Variants in CSMD1 observed in about 807,000 individuals in gnomAD.
CSMD1 encodes CUB and sushi domain-containing protein 1.
Under a neutral mutation model 417.5 loss-of-function variants are expected in CSMD1, and 213 were observed. The ratio of observed to expected loss-of-function variants is 0.51; its 90% confidence interval spans 0.46 to 0.57. The LOEUF (loss-of-function observed/expected upper bound fraction) is 0.57, where lower values mean the gene tolerates loss of function less well. Ranked by LOEUF, CSMD1 falls within the 20% of genes least tolerant of loss-of-function variation. The pLI is 0.00. For missense variants in CSMD1, 6,923 were observed against 4,529.7 expected (o/e 1.53, Z -15.17); for synonymous variants, 2,862 against 1,736.8 (o/e 1.65, Z -16.11).
At chr8:3,839,785 C>A (rs1802997336) in intron 5 of CSMD1, among the ~76,000 whole-genome samples, 1 of 151,336 alleles carries the variant, frequency 6.6e-6, no homozygotes, top group Non-Finnish European at 1.5e-5. Flanking sequence ...ATATTTGTTC[C>A]CAGAGAAGCT....
At chr8:4,444,346 CAAAAAAAA>C (rs112028005) in intron 2 of CSMD1, among the ~76,000 whole-genome samples, 14 of 46,278 alleles carry the variant, frequency 3.0e-4, no homozygotes, top group South Asian at 9.9e-4. Context: ...GACTCCATCT[CAAAAAAAA>C]AAAAAAAAAA....
chr8:3,925,761 G>A (rs950825073), intron 5 of CSMD1, among the ~76,000 whole-genome samples: 1 of 152,010 alleles, frequency 6.6e-6, no homozygotes, highest in African/African-American at 2.4e-5. Context: ...GGAACTGTAA[G>A]TCCCATTGAA....
chr8:4,095,928 G>A (rs1800983306), intron 3 of CSMD1, among the ~76,000 whole-genome samples: 1 of 152,126 alleles, frequency 6.6e-6, no homozygotes, highest in African/African-American at 2.4e-5. Flanking sequence ...TTATTTAAAT[G>A]TATCATTCCT....
At chr8:3,476,833 G>C (rs1192236949) in intron 11 of CSMD1, among the ~76,000 whole-genome samples, 1 of 150,132 alleles carries the variant, frequency 6.7e-6, no homozygotes, top group Non-Finnish European at 1.5e-5. Flanking sequence ...CAAGGGAATG[G>C]CTTGAACCTG....
chr8:3,288,140 C>A (rs953779814), intron 25 of CSMD1, among the ~76,000 whole-genome samples: 1 of 147,234 alleles, frequency 6.8e-6, no homozygotes, highest in South Asian at 2.1e-4. Context: ...GCCATGCATC[C>A]CAGGGATGAA....
intron 3 of CSMD1, among the ~76,000 whole-genome samples, chr8:4,118,208 A>G (rs1269699730): frequency 6.6e-6 from 1 of 152,144 alleles, no homozygotes; most frequent in Non-Finnish European, 1.5e-5. Context: ...ATTAATATTA[A>G]AAACTAAATT....
chr8:4,003,120 G>T (rs182387383), intron 4 of CSMD1, among the ~76,000 whole-genome samples: 1 of 152,122 alleles, frequency 6.6e-6, no homozygotes, highest in Admixed American at 6.5e-5. Flanking sequence ...CAGGCTTGGC[G>T]CGGTGGCTGA....
At chr8:2,996,035 C>A (rs1419063229) in intron 54 of CSMD1, among the ~76,000 whole-genome samples, 1 of 152,102 alleles carries the variant, frequency 6.6e-6, no homozygotes, top group Admixed American at 6.5e-5. Context: ...GATTCTACCA[C>A]TGGGTGAGAG....
At chr8:3,942,574 G>C (rs1233157982) in intron 5 of CSMD1, among the ~76,000 whole-genome samples, 1 of 152,196 alleles carries the variant, frequency 6.6e-6, no homozygotes, top group East Asian at 1.9e-4. Flanking sequence ...CAGCTTCACA[G>C]AGAGATAGAT....
intron 1 of CSMD1, among the ~76,000 whole-genome samples, chr8:4,873,824 G>T (rs1426991069): frequency 6.6e-6 from 1 of 151,942 alleles, no homozygotes; most frequent in African/African-American, 2.4e-5. Context: ...CTTATAAGTT[G>T]TTTTATATTT....
intron 39 of CSMD1, among the ~76,000 whole-genome samples, chr8:3,157,202 A>G (rs1819590165): frequency 6.6e-6 from 1 of 152,098 alleles, no homozygotes; most frequent in African/African-American, 2.4e-5. Flanking sequence ...GGCTACAACA[A>G]ATAGGTGATG....
At chr8:4,082,005 T>A (rs1490277919) in intron 3 of CSMD1, among the ~76,000 whole-genome samples, 1 of 152,026 alleles carries the variant, frequency 6.6e-6, no homozygotes, top group East Asian at 1.9e-4. Context: ...GAAAAAAATA[T>A]ATAAAATTTT....
At position 4,520,808 on chromosome 8, in the gene CSMD1, G is replaced by C. The variant is rs575255457; in HGVS notation, c.303-100743C>G. 1.6e-4 allele frequency among the ~76,000 whole-genome samples: 24 copies of C among 152,110 alleles called. 1 individual carries two copies. In the South Asian group the frequency reaches 4.2e-3, roughly 26 times the overall value. ...GCAATGAAAATTTGAAATTATATTG[G>C]AGTGCCCTGTAAGTATAACGTATAT... On this transcript the variant is annotated intron_variant, in intron 2 of 69. Transcript: ENST00000635120.
chr8:4,234,898 G>A (rs533917562), intron 3 of CSMD1, among the ~76,000 whole-genome samples: 2 of 152,104 alleles, frequency 1.3e-5, no homozygotes, highest in African/African-American at 4.8e-5. Flanking sequence ...ACAAAAAACA[G>A]AAATAGACCT....
At chr8:4,428,707 G>C (rs1433092808) in intron 2 of CSMD1, among the ~76,000 whole-genome samples, 1 of 151,898 alleles carries the variant, frequency 6.6e-6, no homozygotes, top group Non-Finnish European at 1.5e-5. Context: ...TTTTAAATTT[G>C]GTTATTTTGT....
chr8:4,343,725 C>A (rs1022841491), intron 3 of CSMD1, among the ~76,000 whole-genome samples: 1 of 152,020 alleles, frequency 6.6e-6, no homozygotes, highest in East Asian at 1.9e-4. Context: ...TCGACTAGGT[C>A]CATAAGGAAA....
rs79022967 is a variant in CSMD1, at chr8:3,230,907, G to C, written c.4154-676C>G. Among the ~76,000 whole-genome samples, 977 of 152,268 alleles carry C rather than the reference G, an allele frequency of 6.4e-3. 15 individuals carry two copies. Among genetic ancestry groups the C allele is most frequent in the African/African-American group, 0.022 (927 of 41,550 alleles). On this transcript the variant is annotated intron_variant, in intron 26 of 69. Coordinates refer to ENST00000635120, the MANE Select transcript of CSMD1 (RefSeq NM_033225.6). ...TAAAGAATCTCAAATCTGCTGAGTA[G>C]AGGCCAGACTCTGCAAAGCCGGCTG... is the stretch of plus-strand genomic sequence containing the variant.
intron 6 of CSMD1, among the ~76,000 whole-genome samples, chr8:3,714,930 G>A (rs970918619): frequency 3.3e-5 from 5 of 152,000 alleles, no homozygotes; most frequent in South Asian, 2.1e-4. Context: ...ACATTGTTTC[G>A]CTTTTACTCT....
chr8:3,453,406 G>A (rs1815883018), intron 12 of CSMD1, among the ~76,000 whole-genome samples: 1 of 151,882 alleles, frequency 6.6e-6, no homozygotes, highest in African/African-American at 2.4e-5. Context: ...GTGATGTTAG[G>A]ATGTCAATTT....
Sources: gnomAD v4.1 joint callset for allele counts (sites outside exome capture counted in the v4.1 genomes callset) on GRCh38, gnomAD v4.1.1 for gene constraint, MANE v1.5 for transcripts, NCBI Gene and HGNC (gene_info 2026-07-23, HGNC 2026-07-21) for gene names.